Variants in NXPE1 observed in about 807,000 individuals in gnomAD.
NXPE1 encodes NXPE family member 1.
Under a neutral mutation model 33.3 loss-of-function variants are expected in NXPE1, and 31 were observed. The ratio of observed to expected loss-of-function variants is 0.93; its 90% CI spans 0.70 to 1.26. The LOEUF (loss-of-function observed/expected upper bound fraction) is 1.26. Ranked by LOEUF, NXPE1 falls within the 50% of genes most tolerant of loss-of-function variation. NXPE1 has a pLI of 0.00. For missense variants in NXPE1, 661 were observed against 655.6 expected, an observed-to-expected ratio of 1.01 and a Z score of -0.09; for synonymous variants, 229 against 231.4, an observed-to-expected ratio of 0.99 and a Z score of 0.09.
rs543156945 is a variant in NXPE1, at chr11:114,534,133, C to G, written c.100-3225G>C. Reference sequence around the variant, plus strand: ...AGCAGCATTTGCGGTTAACCAATATCCGCTGTTCTGCAGCCACCACTGCTG... The same window carrying G: ...AGCAGCATTTGCGGTTAACCAATATGCGCTGTTCTGCAGCCACCACTGCTG... On this transcript the variant is annotated intron_variant, in intron 5 of 8. Transcript: ENST00000534921. Among the ~76,000 whole-genome samples, 13 of 152,288 alleles carry G rather than the reference C, an allele frequency of 8.5e-5. No homozygotes were observed. In the East Asian group the frequency reaches 2.5e-3, roughly 29 times the overall value.
chr11:114,521,950 T>C (rs1301455918), exon 9 of NXPE1: 4 of 1,558,354 alleles, frequency 2.6e-6, no homozygotes, highest in Non-Finnish European at 3.5e-6. Context: ...CCTAGTGATT[T>C]TGTATAGTAT....
chr11:114,545,691 C>CTT (rs202218807), intron 5 of NXPE1, among the ~76,000 whole-genome samples: 15 of 138,802 alleles, frequency 1.1e-4, no homozygotes, highest in Non-Finnish European at 1.4e-4. Flanking sequence ...AAGAGTGGAT[C>CTT]TTTTTTTTTT....
intron 2 of NXPE1, among the ~76,000 whole-genome samples, chr11:114,552,380 A>C (rs77325278): frequency 5.3e-5 from 8 of 152,270 alleles, no homozygotes; most frequent in African/African-American, 1.7e-4. Flanking sequence ...TTTGATTTCC[A>C]AAAGACTGTC....
intron 1 of NXPE1, chr11:114,554,152 T>A (rs1948594075): frequency 2.0e-6 from 2 of 985,338 alleles, no homozygotes; most frequent in African/African-American, 3.5e-5. Flanking sequence ...ATTGAATCAA[T>A]GTACAGAGCC....
chr11:114,542,118 C>T (rs1311088981), intron 5 of NXPE1, among the ~76,000 whole-genome samples: 1 of 152,060 alleles, frequency 6.6e-6, no homozygotes, highest in Non-Finnish European at 1.5e-5. Flanking sequence ...ATTATATCTG[C>T]TTTGTAAATT....
exon 9 of NXPE1, chr11:114,522,437 C>T: frequency 6.2e-7 from 1 of 1,613,638 alleles, no homozygotes; most frequent in Non-Finnish European, 8.5e-7. Context: ...CTGAGTGTGT[C>T]TTTCTGCATC....
At chr11:114,546,085 T>A (rs1351732415) in intron 5 of NXPE1, among the ~76,000 whole-genome samples, 1 of 152,224 alleles carries the variant, frequency 6.6e-6, no homozygotes, top group African/African-American at 2.4e-5. Context: ...CAAATTTAAC[T>A]GTATTACAAA....
At chr11:114,544,438 A>C (rs542108882) in intron 5 of NXPE1, among the ~76,000 whole-genome samples, 119 of 152,348 alleles carry the variant, frequency 7.8e-4, no homozygotes, top group Admixed American at 2.3e-3. Context: ...AAATATTATC[A>C]ACTGATTTTT....
Position 114,540,885 on chromosome 11 carries a change from T to TTTTTTTTTTTTTTTTTTG in NXPE1, c.100-9978_100-9977insCAAAAAAAAAAAAAAAAA, listed in dbSNP as rs754802719. On this transcript the variant is annotated intron_variant, in intron 5 of 8. Transcript: ENST00000534921. ...TTTTTTTTTTTTTTTTTTTTTTTTT[T>TTTTTTTTTTTTTTTTTTG]GGCTTGAACAACCTGAGAGCAGAGT... is the stretch of plus-strand genomic sequence containing the variant. Among the ~76,000 whole-genome samples the TTTTTTTTTTTTTTTTTTG allele has an allele frequency of 3.7e-5, 3 of 81,242 alleles. 1 individual carries two copies. The highest frequency in any genetic ancestry group is 1.5e-4 in the African/African-American group (3 of 20,076). The allele number at this position is 81,242 out of a possible 152,430, so 53.3% of individuals were successfully genotyped here.
At chr11:114,549,895 T>C (rs1948414147) in intron 5 of NXPE1, among the ~76,000 whole-genome samples, 1 of 151,844 alleles carries the variant, frequency 6.6e-6, no homozygotes, top group African/African-American at 2.4e-5. Flanking sequence ...GGAAATAATA[T>C]ATAAAAAAAT....
intron 5 of NXPE1, among the ~76,000 whole-genome samples, chr11:114,532,126 G>A (rs1016689250): frequency 6.6e-6 from 1 of 152,154 alleles, no homozygotes; most frequent in Admixed American, 6.6e-5. Flanking sequence ...AGGCCTGGCT[G>A]CACTGCACCC....
chr11:114,533,852 T>A (rs1447146991), intron 5 of NXPE1, among the ~76,000 whole-genome samples: 2 of 152,218 alleles, frequency 1.3e-5, no homozygotes, highest in Non-Finnish European at 2.9e-5. Context: ...AGGCTCCACC[T>A]CTGGGGGCAG....
At chr11:114,535,653 C>CT (rs1378476530) in intron 5 of NXPE1, among the ~76,000 whole-genome samples, 1 of 152,006 alleles carries the variant, frequency 6.6e-6, no homozygotes, top group African/African-American at 2.4e-5. Flanking sequence ...ATAAAACAGA[C>CT]TTAAACCAAC....
At chr11:114,530,978 G>C in intron 5 of NXPE1, 70 bp from the exon 6 acceptor site, 1 of 1,411,108 alleles carries the variant, frequency 7.1e-7, no homozygotes, top group East Asian at 2.4e-5. Flanking sequence ...TTATGAGTTT[G>C]AATATTTGTT....
chr11:114,522,371 A>C (rs142664800), exon 9 of NXPE1: 2 of 1,613,988 alleles, frequency 1.2e-6, no homozygotes, highest in African/African-American at 1.3e-5. Flanking sequence ...ATCATGATCT[A>C]TCAGAGAGTA....
chr11:114,559,326 G>A lies in NXPE1; in HGVS notation c.-211+472C>T, dbSNP rs116726908. Among the ~76,000 whole-genome samples, 656 of 152,192 alleles carry A rather than the reference G, an allele frequency of 4.3e-3. 8 individuals carry two copies. The highest frequency in any genetic ancestry group is 0.015 in the African/African-American group (606 of 41,520). On this transcript the variant is annotated intron_variant, in intron 1 of 8. Coordinates refer to ENST00000534921, the Ensembl canonical transcript of NXPE1. Reference sequence around the variant, plus strand: ...TTCCAGCATAACTCTAGACCACAACGATCTCTCCCGTATTTTGAATTCCTG... The same window carrying A: ...TTCCAGCATAACTCTAGACCACAACAATCTCTCCCGTATTTTGAATTCCTG...
At position 114,551,289 on chromosome 11, in the gene NXPE1, T is replaced by C. The variant is rs561444326; in HGVS notation, c.-10-78A>G. On this transcript the variant is annotated intron_variant, in intron 4 of 8. Transcript: ENST00000534921. Reference sequence around the variant, plus strand: ...CACTCATTATTTTATTTATAACTTGTAATTTGCCTCCAACATTTTGTTCTC... The same window carrying C: ...CACTCATTATTTTATTTATAACTTGCAATTTGCCTCCAACATTTTGTTCTC... The C allele has an allele frequency of 3.0e-6, 4 of 1,323,252 alleles. No homozygotes were observed. In the African/African-American group the frequency reaches 4.5e-5, roughly 15 times the overall value. 82.0% of individuals were successfully genotyped at this position (1,323,252 alleles called of 1,614,324 possible). A position where few individuals can be genotyped will look rare whatever the true frequency, so the allele number is the denominator to read the frequency against.
At chr11:114,520,094 G>T (rs150553765), downstream of NXPE1, among the ~76,000 whole-genome samples, 456 of 152,150 alleles carry the variant, frequency 3.0e-3, 1 homozygote, top group African/African-American at 0.01. Flanking sequence ...AAGCCACCGT[G>T]CCTGGCCACA....
intron 1 of NXPE1, among the ~76,000 whole-genome samples, chr11:114,554,920 T>G (rs1415268681): frequency 6.6e-6 from 1 of 152,204 alleles, no homozygotes; most frequent in Non-Finnish European, 1.5e-5. Flanking sequence ...TGGCAGGGGA[T>G]AGCAGAGCTT....
Sources: gnomAD v4.1 joint callset for allele counts (sites outside exome capture counted in the v4.1 genomes callset) on GRCh38, gnomAD v4.1.1 for gene constraint, MANE v1.5 for transcripts, NCBI Gene and HGNC (gene_info 2026-07-23, HGNC 2026-07-21) for gene names.